The following IRAK4 variants were observed in gnomAD, a reference collection of about 807,000 sequenced individuals.
IRAK4 encodes the protein interleukin-1 receptor-associated kinase 4.
IRAK4 carries 44 observed loss-of-function variants against 51.8 expected under a neutral mutation model. The observed-to-expected ratio is 0.85, with a 90% confidence interval of 0.67 to 1.09. The LOEUF (loss-of-function observed/expected upper bound fraction) is 1.09, where lower values mean the gene tolerates loss of function less well. IRAK4 is among the 50% of genes least tolerant of loss of function. The probability of loss-of-function intolerance (pLI) is 0.00; values close to 1 mark genes in which losing one functional copy is unlikely to be tolerated. For synonymous variants in IRAK4, 149 were observed against 174.1 expected, an observed-to-expected ratio of 0.86 and a Z score of 1.13; for missense variants, 487 against 538.0, an observed-to-expected ratio of 0.91 and a Z score of 0.94.
intron 1 of IRAK4, chr12:43,763,492 ATATT>A (rs1489494395): frequency 6.6e-6 from 1 of 152,186 alleles, no homozygotes; most frequent in South Asian, 2.1e-4. Flanking sequence ...GCTAACATCT[ATATT>A]TATGATTATT....
chr12:43,783,596 C>A, intron 9 of IRAK4, 66 bp from the exon 10 acceptor site: 2 of 980,780 alleles, frequency 2.0e-6, no homozygotes, highest in Non-Finnish European at 3.2e-6. Context: ...GCTGGGATTA[C>A]AGGCGTTAGC....
chr12:43,762,610 C>T (rs1279273600), intron 1 of IRAK4, among the ~76,000 whole-genome samples: 1 of 152,090 alleles, frequency 6.6e-6, no homozygotes, highest in Non-Finnish European at 1.5e-5. Context: ...TGGTTGGGTC[C>T]TAGCTCAGGA....
intron 1 of IRAK4, among the ~76,000 whole-genome samples, chr12:43,767,193 C>A (rs1214891752): frequency 2.6e-5 from 4 of 152,098 alleles, no homozygotes; most frequent in Non-Finnish European, 4.4e-5. Flanking sequence ...AAGGAAAGAT[C>A]ATTTCCTATT....
chr12:43,782,455 A>G lies in IRAK4; in HGVS notation c.1090A>G (p.Ile364Val). Residue 364 changes from isoleucine (I) to valine (V), a missense_variant, in exon 9 of 12, where the codon ATA becomes GTA. By Grantham distance (29) the Ile-to-Val change is conservative. Transcript: ENST00000613694. ...YMAPEALRGE[I>V]TPKSDIYSFG... ...GGCACCAGAAGCTTTGCGTGGAGAAATAACACCCAAATCTGATATTTACAG... is the reference window on the plus strand; with the variant it reads ...GGCACCAGAAGCTTTGCGTGGAGAAGTAACACCCAAATCTGATATTTACAG... The G allele has an allele frequency of 6.2e-7, 1 of 1,613,874 alleles. No individual in the cohort carries two copies. Among genetic ancestry groups the G allele is most frequent in the South Asian group, 1.1e-5 (1 of 91,076 alleles).
chr12:43,778,373 A>G, intron 8 of IRAK4, 71 bp downstream of exon 8: 1 of 841,974 alleles, frequency 1.2e-6, no homozygotes, highest in South Asian at 1.4e-5. Context: ...TCTATTCACG[A>G]TTCATATGCA....
In IRAK4 at chr12:43,786,438, A is replaced by G. The variant is rs764868568; in HGVS notation, c.1228A>G (p.Ile410Val). Residue 410 changes from isoleucine (I) to valine (V), a missense_variant, in exon 11 of 12, where the codon ATT (isoleucine) becomes GTT (valine). Physicochemically the swap from Ile to Val is conservative, Grantham distance 29. Coordinates refer to ENST00000613694, the MANE Select transcript of IRAK4 (RefSeq NM_016123.4). Reference sequence around the variant, plus strand: ...AGAAATTGAAGATGAAGAAAAGACAATTGAAGATTATATTGATAAAAAGAT... The same window carrying G: ...AGAAATTGAAGATGAAGAAAAGACAGTTGAAGATTATATTGATAAAAAGAT... ...KEEIEDEEKT[I>V]EDYIDKKMND... is the part of the protein sequence containing the mutation. 3.7e-6 allele frequency: 6 copies of G among 1,604,268 alleles called. No homozygotes were observed. The highest frequency in any genetic ancestry group is 2.7e-5 in the African/African-American group (2 of 74,428).
intron 10 of IRAK4, among the ~76,000 whole-genome samples, chr12:43,785,227 C>T (rs1487644862): frequency 6.6e-6 from 1 of 152,110 alleles, no homozygotes; most frequent in African/African-American, 2.4e-5. Flanking sequence ...ATCACATTCA[C>T]AGGTTCCAGG....
rs1941413701 is a variant in IRAK4, at chr12:43,777,716, G to A, written c.803G>A (p.Gly268Asp). The change falls in exon 7 of 12, where the codon GGT (glycine) becomes GAT (aspartate). Residue 268 changes from glycine to aspartate, a missense_variant. Gly to Asp is a moderately conservative substitution (Grantham distance 94). Coordinates refer to ENST00000613694, the MANE Select transcript of IRAK4 (RefSeq NM_016123.4). ...LCLVYVYMPN[G>D]SLLDRLSCLD... ...TTAGTATATGTTTACATGCCTAATG[G>A]TTCATTGCTAGACAGACTCTCTTGC... The A allele has an allele frequency of 6.2e-7, 1 of 1,612,962 alleles. No individual in the cohort carries two copies. The highest frequency in any genetic ancestry group is 1.7e-5 in the Admixed American group (1 of 59,968).
At chr12:43,767,370 G>T (rs1940263491) in intron 1 of IRAK4, among the ~76,000 whole-genome samples, 1 of 152,192 alleles carries the variant, frequency 6.6e-6, no homozygotes, top group Non-Finnish European at 1.5e-5. Context: ...AGCAACCCTG[G>T]TGTACAAGTA....
intron 3 of IRAK4, 105 bp from the exon 4 acceptor site, chr12:43,772,075 C>G (rs1940824290): frequency 2.3e-6 from 2 of 862,268 alleles, no homozygotes; most frequent in Admixed American, 2.0e-5. Context: ...TGAGACCAAC[C>G]TGTAGAAACT....
chr12:43,774,758 G>A (rs774554157), intron 6 of IRAK4, among the ~76,000 whole-genome samples: 14 of 152,200 alleles, frequency 9.2e-5, no homozygotes, highest in Non-Finnish European at 2.1e-4. Flanking sequence ...CATTGATCCT[G>A]TGTGCTGGAA....
At position 43,788,048 on chromosome 12, in the gene IRAK4, C is replaced by T. The variant is rs894815894; in HGVS notation, c.*1333C>T. On this transcript the variant is annotated 3_prime_UTR_variant, in exon 12 of 12. Coordinates refer to ENST00000613694, the MANE Select transcript of IRAK4 (RefSeq NM_016123.4). ...CTCCAGCCTGGGTGACAGAGTGAGA[C>T]TCCATCATAAATAAATAAATAAATA... is the stretch of plus-strand genomic sequence containing the variant. 1.3e-5 allele frequency: 2 copies of T among 152,018 alleles called. No homozygotes were observed. Among genetic ancestry groups the T allele is most frequent in the African/African-American group, 2.4e-5 (1 of 41,288 alleles). The allele number at this position is 152,018 out of a possible 1,614,324, so 9.4% of individuals were successfully genotyped here. A position where few individuals can be genotyped will look rare whatever the true frequency, so the allele number is the denominator to read the frequency against.
chr12:43,783,975 C>G (rs1210169709), intron 10 of IRAK4, among the ~76,000 whole-genome samples: 1 of 152,024 alleles, frequency 6.6e-6, no homozygotes, highest in Non-Finnish European at 1.5e-5. Context: ...GAGAATAGAA[C>G]TAAATGATTT....
chr12:43,784,746 G>A (rs184224145), intron 10 of IRAK4, among the ~76,000 whole-genome samples: 3 of 152,198 alleles, frequency 2.0e-5, no homozygotes, highest in Admixed American at 2.0e-4. Flanking sequence ...TTTGGAGAAG[G>A]TTTTACTCTT....
chr12:43,780,562 C>A (rs1275843810), intron 8 of IRAK4, among the ~76,000 whole-genome samples: 1 of 151,350 alleles, frequency 6.6e-6, no homozygotes, highest in Non-Finnish European at 1.5e-5. Context: ...CTCTTTTCTC[C>A]CTGTATGTTC....
chr12:43,783,034 C>G (rs767728241), intron 9 of IRAK4, among the ~76,000 whole-genome samples: 5 of 151,984 alleles, frequency 3.3e-5, no homozygotes, highest in Non-Finnish European at 7.4e-5. Flanking sequence ...GAAGAATCCC[C>G]AAGAGGCAGG....
At chr12:43,786,341 A>T in intron 10 of IRAK4, 58 bp from the exon 11 acceptor site, 1 of 1,049,970 alleles carries the variant, frequency 9.5e-7, no homozygotes, top group Non-Finnish European at 1.4e-6. Context: ...TAAAATATAT[A>T]TTCTATTTTC....
In IRAK4 at chr12:43,787,934, G is replaced by C. The variant is rs1394070331; in HGVS notation, c.*1219G>C. The C allele has an allele frequency of 5.3e-5, 8 of 152,314 alleles. No homozygotes were observed. Among genetic ancestry groups the C allele is most frequent in the Admixed American group, 2.6e-4 (4 of 15,262 alleles). The allele number at this position is 152,314 out of a possible 1,614,324, so 9.4% of individuals were successfully genotyped here. A position where few individuals can be genotyped will look rare whatever the true frequency, so the allele number is the denominator to read the frequency against. On this transcript the variant is annotated 3_prime_UTR_variant, in exon 12 of 12. Transcript: ENST00000613694. ...TAGACGAGCGTGGTGGTGGACACCT[G>C]TAGTCCCAGCTACTTGGGAGGCTGA...
At position 43,788,103 on chromosome 12, in the gene IRAK4, G is replaced by T. The variant is rs1179703136; in HGVS notation, c.*1388G>T. On this transcript the variant is annotated 3_prime_UTR_variant, in exon 12 of 12. Coordinates refer to ENST00000613694, the MANE Select transcript of IRAK4 (RefSeq NM_016123.4). ...GGTCACATTAAGCCTTTAAGTTTGTGGTAATTTATTATTCAGTAATAGAAA... is the reference window on the plus strand; with the variant it reads ...GGTCACATTAAGCCTTTAAGTTTGTTGTAATTTATTATTCAGTAATAGAAA... The T allele has an allele frequency of 6.6e-6, 1 of 151,940 alleles. No homozygotes were observed. The highest frequency in any genetic ancestry group is 1.5e-5 in the Non-Finnish European group (1 of 67,992). 9.4% of individuals were successfully genotyped at this position (151,940 alleles called of 1,614,324 possible).
Sources: gnomAD v4.1 joint callset for allele counts (sites outside exome capture counted in the v4.1 genomes callset) on GRCh38, gnomAD v4.1.1 for gene constraint, MANE v1.5 for transcripts, NCBI Gene and HGNC (gene_info 2026-07-23, HGNC 2026-07-21) for gene names.